GDAP1: variants seen among roughly 807,000 people sequenced by gnomAD.
GDAP1 encodes the protein ganglioside induced differentiation associated protein 1, also known as ganglioside-induced differentiation-associated protein 1.
GDAP1 carries 34 observed loss-of-function variants against 40.1 expected under a neutral mutation model. The observed-to-expected ratio is 0.85, with a 90% CI of 0.64 to 1.13. The LOEUF (loss-of-function observed/expected upper bound fraction) is 1.13. Ranked by LOEUF, GDAP1 falls within the 50% of genes most tolerant of loss-of-function variation. GDAP1 has a pLI of 0.00. For synonymous variants in GDAP1, 170 were observed against 157.4 expected (o/e 1.08, Z -0.60); for missense variants, 374 against 433.7 (o/e 0.86, Z 1.22).
At chr8:74,367,941 G>A (rs16938897), downstream of GDAP1, among the ~76,000 whole-genome samples, 1,320 of 152,288 alleles carry the variant, frequency 8.7e-3, 24 homozygotes, top group East Asian at 0.075. Flanking sequence ...CAGCTCTGTA[G>A]CACTTGAGAC....
chr8:74,488,773 T>C (rs1405510753), exon 3 of GDAP1: 1 of 152,196 alleles, frequency 6.6e-6, no homozygotes, highest in Admixed American at 6.6e-5. Flanking sequence ...AGTGTATCAA[T>C]AGCAGAGCTG....
Position 74,364,510 on chromosome 8 carries a change from G to A in GDAP1, c.*143G>A, listed in dbSNP as rs965656378. The A allele has an allele frequency of 1.2e-5, 10 of 859,972 alleles. No individual in the cohort carries two copies. In the African/African-American group the frequency reaches 1.6e-4, roughly 14 times the overall value. 53.3% of individuals were successfully genotyped at this position (859,972 alleles called of 1,614,324 possible). On this transcript the variant is annotated 3_prime_UTR_variant, in exon 6 of 6. Coordinates refer to ENST00000220822, the MANE Select transcript of GDAP1 (RefSeq NM_018972.4). The stretch of plus-strand genomic sequence containing the variant: ...GAAGTCATCTTTGTTACACAACACA[G>A]GGGTTCAGGTAGCAATAGGACACAA...
At chr8:74,430,526 GTATT>G (rs879624042) in intron 2 of GDAP1, among the ~76,000 whole-genome samples, 22 of 152,240 alleles carry the variant, frequency 1.4e-4, no homozygotes, top group African/African-American at 4.6e-4. Flanking sequence ...AGTGTATACA[GTATT>G]TATTATTTAC....
chr8:74,356,716 A>ATATATATATTTTTTTTTTTTTTT (rs375377157), intron 2 of GDAP1, among the ~76,000 whole-genome samples: 14 of 104,332 alleles, frequency 1.3e-4, no homozygotes, highest in African/African-American at 2.1e-4. Flanking sequence ...ATATATATAT[A>ATATATATATTTTTTTTTTTTTTT]TTTTTTTTTT....
At chr8:74,416,141 G>T (rs1805775196) in intron 2 of GDAP1, among the ~76,000 whole-genome samples, 1 of 149,982 alleles carries the variant, frequency 6.7e-6, no homozygotes, top group African/African-American at 2.5e-5. Context: ...AGTGGCCAGA[G>T]AACTGCCCTC....
At chr8:74,392,030 G>T (rs1810118019) in intron 2 of GDAP1, among the ~76,000 whole-genome samples, 1 of 152,104 alleles carries the variant, frequency 6.6e-6, no homozygotes, top group South Asian at 2.1e-4. Context: ...TGTTGGTCAG[G>T]CTGGTCTCGA....
intron 2 of GDAP1, among the ~76,000 whole-genome samples, chr8:74,446,920 A>G (rs1806236702): frequency 6.6e-6 from 1 of 152,078 alleles, no homozygotes. Context: ...GAGAGTGGGG[A>G]GTGACTATTA....
chr8:74,467,194 G>C (rs1181183159), intron 2 of GDAP1, among the ~76,000 whole-genome samples: 4 of 152,216 alleles, frequency 2.6e-5, no homozygotes, highest in African/African-American at 9.7e-5. Context: ...AGTTTGAGGA[G>C]AAAGGAGAAG....
At chr8:74,375,211 G>A (rs931986406) in intron 2 of GDAP1, among the ~76,000 whole-genome samples, 2 of 151,912 alleles carry the variant, frequency 1.3e-5, no homozygotes, top group South Asian at 2.1e-4. Flanking sequence ...CCTGTAATCC[G>A]AGCTACTTGG....
intron 2 of GDAP1, among the ~76,000 whole-genome samples, chr8:74,461,703 C>G (rs114130687): frequency 3.6e-3 from 554 of 152,308 alleles, no homozygotes; most frequent in African/African-American, 0.011. Flanking sequence ...TGCTCTCAGA[C>G]AGGGAAGTAC....
At chr8:74,369,629 G>A (rs984966056), downstream of GDAP1, among the ~76,000 whole-genome samples, 29 of 89,384 alleles carry the variant, frequency 3.2e-4, no homozygotes, top group African/African-American at 1.1e-3. Flanking sequence ...GTGTGTGTGT[G>A]TGTGTGCATA....
intron 2 of GDAP1, among the ~76,000 whole-genome samples, chr8:74,356,658 T>TTGTGTGTG (rs1563440182): frequency 1.1e-5 from 1 of 92,326 alleles, no homozygotes; most frequent in Non-Finnish European, 2.4e-5. Context: ...TAATATTATT[T>TTGTGTGTG]AGTGTGTGTG....
intron 2 of GDAP1, among the ~76,000 whole-genome samples, chr8:74,423,835 A>G (rs1208442648): frequency 2.0e-5 from 3 of 152,046 alleles, no homozygotes; most frequent in Non-Finnish European, 2.9e-5. Context: ...CTCCTGAGAG[A>G]GGAATAGAAA....
intron 2 of GDAP1, among the ~76,000 whole-genome samples, chr8:74,356,868 C>T (rs995432083): frequency 4.0e-5 from 6 of 151,740 alleles, no homozygotes; most frequent in Admixed American, 3.3e-4. Flanking sequence ...GCGCGCACCA[C>T]CACGCCCGGC....
chr8:74,361,970 C>T lies in GDAP1; in HGVS notation c.571C>T (p.Arg191Ter), dbSNP rs1554547986. The change falls in exon 4 of 6, where the codon CGA becomes TGA. Residue 191 changes from arginine to a stop codon, truncating the protein, a stop_gained. Transcript: ENST00000220822. LOFTEE classifies it high-confidence loss of function. ...LQEAYIAKQK[R>*]LKSKLLDHDN... ...AGAAGCATACATTGCAAAACAGAAA[C>T]GACTTAAAGTAAGCCAATCAGCTGT... The T allele has an allele frequency of 6.3e-6, 10 of 1,576,562 alleles. No individual in the cohort carries two copies. Among genetic ancestry groups the T allele is most frequent in the Non-Finnish European group, 8.7e-6 (10 of 1,147,364 alleles).
rs533512978 is a variant in GDAP1, at chr8:74,412,752, G to A, written c.165+61431G>A. ...AACATTTTATGTAACATGCCAGAGG[G>A]TGATTTAAAGATTTCTGAAGCCTCG... On this transcript the variant is annotated intron_variant, in intron 2 of 2. Transcript: ENST00000523640. Among the ~76,000 whole-genome samples, 5 of 149,792 alleles carry A rather than the reference G, an allele frequency of 3.3e-5. No individual in the cohort carries two copies. The South Asian group carries it at 1.0e-3, about 31-fold the overall frequency.
At chr8:74,471,542 A>C (rs1806556240) in intron 2 of GDAP1, among the ~76,000 whole-genome samples, 1 of 152,044 alleles carries the variant, frequency 6.6e-6, no homozygotes. Flanking sequence ...TTAAATATTT[A>C]AATGATTTTT....
intron 2 of GDAP1, among the ~76,000 whole-genome samples, chr8:74,440,302 G>A (rs773620464): frequency 6.6e-6 from 1 of 152,100 alleles, no homozygotes; most frequent in Non-Finnish European, 1.5e-5. Flanking sequence ...ATTGAGACAG[G>A]GGTATGGTCA....
chr8:74,416,926 TTTG>T (rs1319586700), intron 2 of GDAP1, among the ~76,000 whole-genome samples: 4 of 97,822 alleles, frequency 4.1e-5, no homozygotes, highest in Non-Finnish European at 8.0e-5. Flanking sequence ...TTTTTTGTTT[TTTG>T]TTTTTTTTTT....
Sources: gnomAD v4.1 joint callset for allele counts (sites outside exome capture counted in the v4.1 genomes callset) on GRCh38, gnomAD v4.1.1 for gene constraint, MANE v1.5 for transcripts, NCBI Gene and HGNC (gene_info 2026-07-23, HGNC 2026-07-21) for gene names.